ASAP1: variants seen among roughly 807,000 people sequenced by gnomAD.
ASAP1 encodes the protein ArfGAP with SH3 domain, ankyrin repeat and PH domain 1, also known as arf-GAP with SH3 domain, ANK repeat and PH domain-containing protein 1.
ASAP1 carries 43 observed loss-of-function variants against 145.2 expected under a neutral mutation model. That is an observed-to-expected ratio of 0.30 (90% CI 0.23 to 0.38). The LOEUF is 0.38. ASAP1 is among the 10% of genes least tolerant of loss of function. The probability of loss-of-function intolerance (pLI) is 1.00; values close to 1 mark genes in which losing one functional copy is unlikely to be tolerated. For missense variants in ASAP1, 1,018 were observed against 1,355.3 expected (o/e 0.75, Z 3.91); for synonymous variants, 546 against 515.5 (o/e 1.06, Z -0.80).
rs140324863 is a variant in ASAP1 at position 130,199,134 on chromosome 8, A to G, written c.406-10951T>C. ...TGTTACTCTGGACCAGTGGCAGAATAGGCTCACTTTCACAGAGTACTGCAC... is the reference window on the plus strand; with the variant it reads ...TGTTACTCTGGACCAGTGGCAGAATGGGCTCACTTTCACAGAGTACTGCAC... On this transcript the variant is annotated intron_variant, in intron 5 of 29. Transcript: ENST00000518721. Among the ~76,000 whole-genome samples, 390 of 152,348 alleles carry G rather than the reference A, an allele frequency of 2.6e-3. 1 individual carries two copies. The highest frequency in any genetic ancestry group is 8.9e-3 in the African/African-American group (372 of 41,584).
At chr8:130,332,359 C>T (rs988006337) in intron 3 of ASAP1, among the ~76,000 whole-genome samples, 7 of 152,200 alleles carry the variant, frequency 4.6e-5, no homozygotes, top group African/African-American at 1.7e-4. Context: ...CCCATCCACA[C>T]CACCTGCACT....
intron 1 of ASAP1, among the ~76,000 whole-genome samples, chr8:130,438,120 C>T (rs961802559): frequency 2.0e-5 from 3 of 152,148 alleles, no homozygotes; most frequent in Non-Finnish European, 4.4e-5. Flanking sequence ...AGCTCATGTG[C>T]CTCTCCAAAG....
chr8:130,113,516 A>G (rs967380383), intron 23 of ASAP1, among the ~76,000 whole-genome samples: 2 of 152,078 alleles, frequency 1.3e-5, no homozygotes, highest in African/African-American at 4.8e-5. Context: ...TTTCCTCTTA[A>G]AGTTGTTAAG....
At position 130,076,403 on chromosome 8, in the gene ASAP1, G is replaced by A. The variant is rs928380743; in HGVS notation, c.2646C>T (p.Thr882=). ...GGCCAAGGGCAGTCTTTGCAGAACT[G>A]GTGCTAATCAACAAATAAGAATCAT... is the stretch of plus-strand genomic sequence containing the variant. ...KFEGLSQQSS[T]SSAKTALGPR... The change falls in exon 27 of 30, where the codon ACC becomes ACT. Residue 882 remains threonine, a synonymous_variant. Transcript: ENST00000518721. The A allele has an allele frequency of 1.2e-6, 2 of 1,607,836 alleles. No homozygotes were observed. Among genetic ancestry groups the A allele is most frequent in the Admixed American group, 3.4e-5 (2 of 59,036 alleles).
At chr8:130,297,797 AAAGG>A (rs1822378204) in intron 3 of ASAP1, among the ~76,000 whole-genome samples, 1 of 152,206 alleles carries the variant, frequency 6.6e-6, no homozygotes, top group Admixed American at 6.5e-5. Context: ...CCATTGCCTT[AAAGG>A]AAGGGTGCAC....
At chr8:130,201,680 T>C (rs1252994794) in intron 5 of ASAP1, among the ~76,000 whole-genome samples, 6 of 152,234 alleles carry the variant, frequency 3.9e-5, no homozygotes, top group African/African-American at 1.4e-4. Flanking sequence ...GCTATATGGC[T>C]AGGCCTTGGT....
At chr8:130,186,171 A>G (rs1814715820) in intron 7 of ASAP1, among the ~76,000 whole-genome samples, 1 of 152,178 alleles carries the variant, frequency 6.6e-6, no homozygotes, top group South Asian at 2.1e-4. Flanking sequence ...TTCATACAGA[A>G]AGACTCATAG....
chr8:130,320,723 T>TA (rs539446297), intron 3 of ASAP1, among the ~76,000 whole-genome samples: 27 of 151,002 alleles, frequency 1.8e-4, no homozygotes, highest in Middle Eastern at 3.4e-3. Flanking sequence ...AGTATCACAT[T>TA]AAAAAAAAAT....
intron 5 of ASAP1, among the ~76,000 whole-genome samples, chr8:130,189,103 T>A (rs1814958368): frequency 6.6e-6 from 1 of 152,226 alleles, no homozygotes; most frequent in African/African-American, 2.4e-5. Flanking sequence ...GTACAATGTA[T>A]AATGATCGAA....
intron 27 of ASAP1, among the ~76,000 whole-genome samples, chr8:130,073,411 A>G (rs1049325069): frequency 6.6e-6 from 1 of 151,146 alleles, no homozygotes; most frequent in African/African-American, 2.4e-5. Flanking sequence ...AAAAACAAAT[A>G]CAAATGTGGA....
intron 2 of ASAP1, 100 bp downstream of exon 2, chr8:130,401,785 G>A: frequency 9.2e-7 from 1 of 1,089,558 alleles, no homozygotes; most frequent in Non-Finnish European, 1.4e-6. Context: ...AGATTCCAGT[G>A]CTTGTGTTTG....
chr8:130,281,266 C>T (rs777880751), intron 3 of ASAP1, among the ~76,000 whole-genome samples: 110 of 152,118 alleles, frequency 7.2e-4, no homozygotes, highest in Non-Finnish European at 1.0e-3. Flanking sequence ...ATTAGAGATC[C>T]GTGGATCAAC....
intron 3 of ASAP1, among the ~76,000 whole-genome samples, chr8:130,290,766 A>C (rs541678363): frequency 1.3e-5 from 2 of 152,332 alleles, no homozygotes; most frequent in South Asian, 4.1e-4. Context: ...TTAACAGGAT[A>C]ATGATGATAC....
At chr8:130,095,232 G>C (rs1164653281) in intron 24 of ASAP1, among the ~76,000 whole-genome samples, 2 of 151,136 alleles carry the variant, frequency 1.3e-5, no homozygotes, top group Non-Finnish European at 2.9e-5. Flanking sequence ...GTTTCGTGTA[G>C]AGTAAATATT....
At chr8:130,296,103 T>G (rs1176990232) in intron 3 of ASAP1, among the ~76,000 whole-genome samples, 2 of 152,212 alleles carry the variant, frequency 1.3e-5, no homozygotes, top group African/African-American at 4.8e-5. Context: ...ATAGTGACCT[T>G]TAACTCTCTC....
At chr8:130,336,358 G>A (rs1443324215) in intron 3 of ASAP1, among the ~76,000 whole-genome samples, 1 of 152,162 alleles carries the variant, frequency 6.6e-6, no homozygotes, top group Non-Finnish European at 1.5e-5. Flanking sequence ...GGCATCACCT[G>A]AGAATTGAAA....
intron 27 of ASAP1, chr8:130,069,483 C>G (rs745930092): frequency 2.0e-5 from 3 of 152,174 alleles, no homozygotes; most frequent in Non-Finnish European, 4.4e-5. Context: ...ACAATCCACT[C>G]GCCTTAGCCT....
chr8:130,353,355 G>C (rs1826112966), intron 3 of ASAP1, among the ~76,000 whole-genome samples: 1 of 152,040 alleles, frequency 6.6e-6, no homozygotes, highest in Non-Finnish European at 1.5e-5. Flanking sequence ...ATCTTCGAAA[G>C]TACAGGGAAA....
chr8:130,074,486 C>CACACACACACACAG (rs5895034), intron 27 of ASAP1, among the ~76,000 whole-genome samples: 24 of 140,584 alleles, frequency 1.7e-4, no homozygotes, highest in Admixed American at 8.0e-4. Flanking sequence ...CACACACACA[C>CACACACACACACAG]AGAGAGAACG....
Sources: gnomAD v4.1 joint callset for allele counts (sites outside exome capture counted in the v4.1 genomes callset) on GRCh38, gnomAD v4.1.1 for gene constraint, MANE v1.5 for transcripts, NCBI Gene and HGNC (gene_info 2026-07-23, HGNC 2026-07-21) for gene names.